Variants in CCDC60 observed in about 807,000 individuals in gnomAD.
CCDC60 encodes the protein coiled-coil domain containing 60, also known as coiled-coil domain-containing protein 60.
CCDC60 carries 54 observed loss-of-function variants against 63.5 expected under a neutral mutation model. The ratio of observed to expected loss-of-function variants is 0.85; its 90% CI spans 0.68 to 1.07. The LOEUF is 1.07. Ranked by LOEUF, CCDC60 falls within the 50% of genes least tolerant of loss-of-function variation. The pLI is 0.00. For missense variants in CCDC60, 651 were observed against 684.3 expected, an observed-to-expected ratio of 0.95 and a Z score of 0.54; for synonymous variants, 206 against 238.8, an observed-to-expected ratio of 0.86 and a Z score of 1.27.
chr12:119,413,406 C>G (rs1192517581), intron 1 of CCDC60, among the ~76,000 whole-genome samples: 1 of 152,190 alleles, frequency 6.6e-6, no homozygotes, highest in African/African-American at 2.4e-5. Context: ...TGCTGACCAT[C>G]GGGTCACTGA....
At chr12:119,521,318 C>A (rs1409280379) in intron 9 of CCDC60, among the ~76,000 whole-genome samples, 1 of 152,116 alleles carries the variant, frequency 6.6e-6, no homozygotes, top group Non-Finnish European at 1.5e-5. Context: ...CATTCATGGA[C>A]CCCTTGAATT....
intron 10 of CCDC60, 39 bp downstream of exon 10, chr12:119,523,040 G>T (rs780077175): frequency 6.4e-7 from 1 of 1,556,892 alleles, no homozygotes; most frequent in East Asian, 2.2e-5. Flanking sequence ...ACGCAAGAGG[G>T]AATATGGTGA....
chr12:119,340,667 A>G (rs548020008), intron 1 of CCDC60, among the ~76,000 whole-genome samples: 15 of 152,194 alleles, frequency 9.9e-5, no homozygotes, highest in Non-Finnish European at 2.1e-4. Flanking sequence ...TTTCCCCAAC[A>G]AGAGAAACCT....
chr12:119,491,179 A>G (rs973924042), intron 5 of CCDC60, among the ~76,000 whole-genome samples: 1 of 152,224 alleles, frequency 6.6e-6, no homozygotes, highest in East Asian at 1.9e-4. Flanking sequence ...AGGTTTACAC[A>G]TTCTTTCAAT....
At chr12:119,510,212 C>A (rs1327923724) in intron 7 of CCDC60, among the ~76,000 whole-genome samples, 2 of 152,222 alleles carry the variant, frequency 1.3e-5, no homozygotes, top group African/African-American at 4.8e-5. Flanking sequence ...AATGACTCTG[C>A]CTTTTCTCTA....
rs529268272 is a variant in CCDC60, at chr12:119,480,583, ATCC to A, written c.449+1385_449+1387del. On this transcript the variant is annotated intron_variant, in intron 4 of 13. Coordinates refer to ENST00000327554, the MANE Select transcript of CCDC60 (RefSeq NM_178499.5). ...CAACACCATCATCATCATCACCATCATCCTCATCACCATCATCACCATCACCAT... is the reference window on the plus strand; with the variant it reads ...CAACACCATCATCATCATCACCATCATCATCACCATCATCACCATCACCAT... Among the ~76,000 whole-genome samples, 51 of 151,968 alleles carry A rather than the reference ATCC, an allele frequency of 3.4e-4. 1 individual carries two copies. In the South Asian group the frequency reaches 0.01, roughly 31 times the overall value.
At chr12:119,473,021 T>G (rs1951098188) in intron 3 of CCDC60, among the ~76,000 whole-genome samples, 1 of 152,238 alleles carries the variant, frequency 6.6e-6, no homozygotes, top group African/African-American at 2.4e-5. Flanking sequence ...GTGTGCTTAA[T>G]GCACACCTAT....
chr12:119,468,422 T>G (rs1175997088), intron 2 of CCDC60, among the ~76,000 whole-genome samples: 2 of 152,168 alleles, frequency 1.3e-5, no homozygotes, highest in Non-Finnish European at 2.9e-5. Context: ...AACTGAGAGA[T>G]TATTTTGCAA....
At chr12:119,386,483 A>G (rs965413768) in intron 1 of CCDC60, among the ~76,000 whole-genome samples, 1 of 144,456 alleles carries the variant, frequency 6.9e-6, no homozygotes. Flanking sequence ...CTTGCTGACC[A>G]GGGTAATTCC....
chr12:119,386,949 G>T (rs1024527428), intron 1 of CCDC60, among the ~76,000 whole-genome samples: 4 of 151,586 alleles, frequency 2.6e-5, no homozygotes, highest in African/African-American at 7.3e-5. Context: ...CCAGAATTGT[G>T]TACATCACAC....
At position 119,405,947 on chromosome 12, in the gene CCDC60, G is replaced by A. The variant is rs1276643626; in HGVS notation, c.91-22736G>A. On this transcript the variant is annotated intron_variant, in intron 1 of 13. Transcript: ENST00000327554. ...AGCACTTTGGGAGGCCAAGGCAGGC[G>A]GATCCCCAGAGATCAGGAGTTCGAG... is the stretch of plus-strand genomic sequence containing the variant. Among the ~76,000 whole-genome samples the A allele has an allele frequency of 3.3e-5, 5 of 152,210 alleles. No homozygotes were observed. In the South Asian group the frequency reaches 6.2e-4, roughly 19 times the overall value.
chr12:119,363,437 G>C (rs1464684654), intron 1 of CCDC60, among the ~76,000 whole-genome samples: 6 of 152,112 alleles, frequency 3.9e-5, no homozygotes, highest in Admixed American at 3.9e-4. Context: ...GTGTGTGTGT[G>C]TGTGTGTGTA....
At chr12:119,498,703 A>C (rs1490697726) in intron 5 of CCDC60, among the ~76,000 whole-genome samples, 1 of 152,236 alleles carries the variant, frequency 6.6e-6, no homozygotes, top group Non-Finnish European at 1.5e-5. Context: ...CTTGTGATAT[A>C]AAATTCTTTC....
In CCDC60 at chr12:119,507,589, TACA is replaced by T. The variant is rs1952072326; in HGVS notation, c.883+2287_883+2289del. 4.8e-5 allele frequency among the ~76,000 whole-genome samples: 2 copies of T among 41,742 alleles called. 1 individual carries two copies. The highest frequency in any genetic ancestry group is 7.1e-5 in the Non-Finnish European group (2 of 27,984). 27.4% of individuals were successfully genotyped at this position (41,742 alleles called of 152,430 possible). A position where few individuals can be genotyped will look rare whatever the true frequency, so the allele number is the denominator to read the frequency against. The stretch of plus-strand genomic sequence containing the variant: ...ATATATGTATATATACACATATATA[TACA>T]TATATATATATATATATATATATTT... On this transcript the variant is annotated intron_variant, in intron 7 of 13. Coordinates refer to ENST00000327554, the MANE Select transcript of CCDC60 (RefSeq NM_178499.5).
At chr12:119,463,583 TC>T (rs1387848362) in intron 2 of CCDC60, among the ~76,000 whole-genome samples, 2 of 152,246 alleles carry the variant, frequency 1.3e-5, no homozygotes, top group Non-Finnish European at 1.5e-5. Flanking sequence ...AATGGAAAGA[TC>T]AGGAGAGTGA....
intron 1 of CCDC60, among the ~76,000 whole-genome samples, chr12:119,421,717 G>A (rs1956816568): frequency 1.3e-5 from 2 of 152,124 alleles, no homozygotes; most frequent in Non-Finnish European, 2.9e-5. Context: ...AACTGAGACT[G>A]GGGAGTAAAG....
chr12:119,454,858 C>T (rs1380743618), intron 2 of CCDC60, among the ~76,000 whole-genome samples: 1 of 152,146 alleles, frequency 6.6e-6, no homozygotes, highest in Non-Finnish European at 1.5e-5. Context: ...CATCCAGTAC[C>T]TGGGTTCCTT....
At chr12:119,397,512 T>A (rs1170619473) in intron 1 of CCDC60, among the ~76,000 whole-genome samples, 2 of 151,390 alleles carry the variant, frequency 1.3e-5, no homozygotes, top group Admixed American at 6.6e-5. Flanking sequence ...CCTCACCAGA[T>A]TAGCTAGATA....
chr12:119,366,189 C>G (rs1432607915), intron 1 of CCDC60, among the ~76,000 whole-genome samples: 1 of 85,894 alleles, frequency 1.2e-5, no homozygotes. Flanking sequence ...TAGTACGTCA[C>G]TGAAGATCTA....
Sources: gnomAD v4.1 joint callset for allele counts (sites outside exome capture counted in the v4.1 genomes callset) on GRCh38, gnomAD v4.1.1 for gene constraint, MANE v1.5 for transcripts, NCBI Gene and HGNC (gene_info 2026-07-23, HGNC 2026-07-21) for gene names.